PLCE1: variants seen among roughly 807,000 people sequenced by gnomAD.
PLCE1 encodes 1-phosphatidylinositol 4,5-bisphosphate phosphodiesterase epsilon-1.
A neutral mutation model predicts 242.8 loss-of-function variants in PLCE1; 119 were observed. The ratio of observed to expected loss-of-function variants is 0.49; its 90% CI spans 0.42 to 0.57. PLCE1 has a LOEUF of 0.57. Ranked by LOEUF, PLCE1 falls within the 20% of genes least tolerant of loss-of-function variation. The probability of loss-of-function intolerance (pLI) is 0.00; values close to 1 mark genes in which losing one functional copy is unlikely to be tolerated. For missense variants in PLCE1, 2,441 were observed against 2,788.8 expected (o/e 0.88, Z 2.81); for synonymous variants, 945 against 1,017.4 (o/e 0.93, Z 1.35).
intron 2 of PLCE1, among the ~76,000 whole-genome samples, chr10:94,043,590 T>C (rs925062477): frequency 6.6e-6 from 1 of 152,236 alleles, no homozygotes. Context: ...CTTCATTTTT[T>C]CCAGATTTTT....
chr10:94,282,555 A>G (rs956953247), intron 20 of PLCE1, among the ~76,000 whole-genome samples: 12 of 152,190 alleles, frequency 7.9e-5, no homozygotes, highest in African/African-American at 2.9e-4. Flanking sequence ...AATATGTAAC[A>G]TGAATGTGTC....
At chr10:94,226,998 TC>T in intron 4 of PLCE1, 1 of 352,528 alleles carries the variant, frequency 2.8e-6, no homozygotes, top group South Asian at 2.3e-5. Context: ...TGCCTCAGCT[TC>T]CCAAGTAGTT....
chr10:94,080,959 C>G (rs1398773792), intron 2 of PLCE1, among the ~76,000 whole-genome samples: 2 of 152,232 alleles, frequency 1.3e-5, no homozygotes, highest in Non-Finnish European at 2.9e-5. Flanking sequence ...CCCCTCAGAG[C>G]TAACCACTGT....
chr10:94,187,718 C>T (rs980176677), intron 4 of PLCE1, among the ~76,000 whole-genome samples: 1 of 152,164 alleles, frequency 6.6e-6, no homozygotes, highest in Non-Finnish European at 1.5e-5. Flanking sequence ...TGGATCCCTC[C>T]TGCCCTGGCA....
At chr10:94,042,387 GT>G (rs2061786654) in intron 2 of PLCE1, among the ~76,000 whole-genome samples, 1 of 152,092 alleles carries the variant, frequency 6.6e-6, no homozygotes, top group South Asian at 2.1e-4. Context: ...TGTCTATGAG[GT>G]TAAACACCCC....
chr10:94,170,348 C>T (rs1214390519), intron 3 of PLCE1, among the ~76,000 whole-genome samples: 1 of 152,150 alleles, frequency 6.6e-6, no homozygotes, highest in East Asian at 1.9e-4. Flanking sequence ...GAATGAATTA[C>T]AGGTAAGAAG....
At chr10:94,218,968 TATA>T (rs1029856306) in intron 4 of PLCE1, among the ~76,000 whole-genome samples, 4 of 147,560 alleles carry the variant, frequency 2.7e-5, no homozygotes, top group African/African-American at 4.9e-5. Context: ...ATAATTAAAA[TATA>T]ATTAATTATA....
rs2044353719 is a variant in PLCE1, at chr10:94,071,495, G to GTTTTTTTTTTTTTTTGTTGTTT, written c.1206+39258_1206+39259insGTTGTTTTTTTTTTTTTTTTTT. ...GTCTGTGTGTGTGTGTTTGGTTTTC[G>GTTTTTTTTTTTTTTTGTTGTTT]TTTTTTTTTTTTTTTTTTTTTGAGT... On this transcript the variant is annotated intron_variant, in intron 2 of 32. Coordinates refer to ENST00000371380, the MANE Select transcript of PLCE1 (RefSeq NM_016341.4). 4.0e-4 allele frequency among the ~76,000 whole-genome samples: 33 copies of GTTTTTTTTTTTTTTTGTTGTTT among 83,302 alleles called. 1 individual carries two copies. Among genetic ancestry groups the GTTTTTTTTTTTTTTTGTTGTTT allele is most frequent in the South Asian group, 1.0e-3 (2 of 1,908 alleles). The allele number at this position is 83,302 out of a possible 152,430, so 54.6% of individuals were successfully genotyped here.
intron 28 of PLCE1, among the ~76,000 whole-genome samples, chr10:94,314,237 G>A (rs61886343): frequency 0.025 from 3,750 of 152,256 alleles, 73 homozygotes; most frequent in Non-Finnish European, 0.037. Context: ...CACCAGAAGC[G>A]CTATCCTTGC....
At chr10:94,197,056 A>G (rs1464424745) in intron 4 of PLCE1, among the ~76,000 whole-genome samples, 1 of 152,112 alleles carries the variant, frequency 6.6e-6, no homozygotes, top group Non-Finnish European at 1.5e-5. Flanking sequence ...GGATTTGCCT[A>G]TTCTGGATAT....
At position 94,306,816 on chromosome 10, in the gene PLCE1, G is replaced by C; in HGVS notation, c.5884+128G>C. 1 of 800,732 alleles carries C rather than the reference G, an allele frequency of 1.2e-6. No individual in the cohort carries two copies. The highest frequency in any genetic ancestry group is 1.6e-5 in the South Asian group (1 of 64,094). 49.6% of individuals were successfully genotyped at this position (800,732 alleles called of 1,614,324 possible). ...AAGAAGTTGAATTAAGAAGCAAAAG[G>C]AAATACAAATTGGAGCACTTTTGAA... is the stretch of plus-strand genomic sequence containing the variant. On this transcript the variant is annotated intron_variant, in intron 26 of 32. Coordinates refer to ENST00000371380, the MANE Select transcript of PLCE1 (RefSeq NM_016341.4). This position sits in a 1 kb window ranked among gnomAD's most constrained non-coding sequence, Gnocchi z 5.7.
chr10:94,196,894 C>A (rs897227870), intron 4 of PLCE1, among the ~76,000 whole-genome samples: 5 of 152,100 alleles, frequency 3.3e-5, no homozygotes, highest in African/African-American at 1.2e-4. Flanking sequence ...TGGCTTTTTT[C>A]ATATATTTAC....
chr10:94,072,186 C>T (rs1036203198), intron 2 of PLCE1, among the ~76,000 whole-genome samples: 1 of 152,224 alleles, frequency 6.6e-6, no homozygotes, highest in Non-Finnish European at 1.5e-5. Context: ...TTTGAATGTT[C>T]TTGGACAGGG....
chr10:94,230,614 A>AG (rs2050111366), intron 5 of PLCE1, among the ~76,000 whole-genome samples: 1 of 148,368 alleles, frequency 6.7e-6, no homozygotes, highest in Non-Finnish European at 1.5e-5. Flanking sequence ...CATGAGGTAA[A>AG]AAACAATTTT....
At chr10:94,138,404 G>A in intron 3 of PLCE1, 1 of 405,706 alleles carries the variant, frequency 2.5e-6, no homozygotes, top group South Asian at 2.1e-5. Flanking sequence ...GGATATTGGG[G>A]CTGGAAAAGG....
In PLCE1 at chr10:94,209,773, C is replaced by T. The variant is rs1434414841; in HGVS notation, c.1810-17533C>T. Among the ~76,000 whole-genome samples, 4 of 152,294 alleles carry T rather than the reference C, an allele frequency of 2.6e-5. No individual in the cohort carries two copies. In the East Asian group the frequency reaches 7.7e-4, roughly 29 times the overall value. ...ATTCAATGCAGGTGCCTCACAAAAT[C>T]AAATGCCATATCTAGAAATCATTGA... is the stretch of plus-strand genomic sequence containing the variant. On this transcript the variant is annotated intron_variant, in intron 4 of 32. Transcript: ENST00000371380.
intron 4 of PLCE1, among the ~76,000 whole-genome samples, chr10:94,195,207 C>T (rs2048782350): frequency 6.6e-6 from 1 of 152,094 alleles, no homozygotes; most frequent in Non-Finnish European, 1.5e-5. Context: ...ACTTCAGAAA[C>T]ATAGCATGTT....
chr10:94,016,290 C>T (rs1013125489), intron 1 of PLCE1, among the ~76,000 whole-genome samples: 1 of 151,862 alleles, frequency 6.6e-6, no homozygotes, highest in African/African-American at 2.4e-5. Context: ...ATCTGAAATA[C>T]TTGGGACCAG....
intron 4 of PLCE1, among the ~76,000 whole-genome samples, chr10:94,196,584 A>G (rs1320383869): frequency 6.6e-6 from 1 of 152,194 alleles, no homozygotes; most frequent in African/African-American, 2.4e-5. Flanking sequence ...CCAGGAGTTC[A>G]AAACCAGCCT....
Sources: gnomAD v4.1 joint callset for allele counts (sites outside exome capture counted in the v4.1 genomes callset) on GRCh38, gnomAD v4.1.1 for gene constraint, Gnocchi (gnomAD v3.1) non-coding constraint, MANE v1.5 for transcripts, NCBI Gene and HGNC (gene_info 2026-07-23, HGNC 2026-07-21) for gene names.